Variants in DLC1 observed in about 807,000 individuals in gnomAD.
DLC1 encodes the protein DLC1 Rho GTPase activating protein, also known as rho GTPase-activating protein 7.
DLC1 carries 54 observed loss-of-function variants against 140.3 expected under a neutral mutation model. The observed-to-expected ratio is 0.38, with a 90% CI of 0.31 to 0.48. DLC1 has a LOEUF of 0.48. Among genes scored for constraint, DLC1 ranks in the 20% least tolerant of loss-of-function variants. DLC1 has a pLI of 0.96. For synonymous variants in DLC1, 986 were observed against 728.1 expected (o/e 1.35, Z -5.70); for missense variants, 2,536 against 1,907.0 (o/e 1.33, Z -6.14).
intron 4 of DLC1, among the ~76,000 whole-genome samples, chr8:13,313,900 T>C (rs1402482829): frequency 6.6e-6 from 1 of 152,150 alleles, no homozygotes; most frequent in Non-Finnish European, 1.5e-5. Context: ...TATTACTAGG[T>C]GGGCCTATTC....
chr8:13,119,689 C>T (rs932487526), intron 5 of DLC1, among the ~76,000 whole-genome samples: 1 of 152,154 alleles, frequency 6.6e-6, no homozygotes, highest in Non-Finnish European at 1.5e-5. Context: ...AGGTGGCTCA[C>T]ACCTGTAACC....
At chr8:13,556,409 C>T (rs904462640) in intron 1 of DLC1, among the ~76,000 whole-genome samples, 1 of 152,232 alleles carries the variant, frequency 6.6e-6, no homozygotes. Flanking sequence ...TGATTTAAAA[C>T]TTATTGGGAT....
chr8:13,153,842 A>T (rs1824030935), intron 5 of DLC1, among the ~76,000 whole-genome samples: 1 of 152,090 alleles, frequency 6.6e-6, no homozygotes, highest in African/African-American at 2.4e-5. Context: ...ACAAACCTTG[A>T]GCTAGACACA....
chr8:13,565,410 G>T (rs953073900), intron 1 of DLC1, among the ~76,000 whole-genome samples: 8 of 152,146 alleles, frequency 5.3e-5, no homozygotes, highest in Non-Finnish European at 1.2e-4. Flanking sequence ...ATGAGGCAGA[G>T]ATTTGAAATA....
intron 1 of DLC1, among the ~76,000 whole-genome samples, chr8:13,505,014 A>G (rs1801991214): frequency 6.6e-6 from 1 of 152,224 alleles, no homozygotes; most frequent in Non-Finnish European, 1.5e-5. Context: ...TATATATGAC[A>G]TATTGAGAGG....
At chr8:13,534,851 G>A (rs73210044) in intron 1 of DLC1, among the ~76,000 whole-genome samples, 2,483 of 152,212 alleles carry the variant, frequency 0.016, 27 homozygotes, top group Non-Finnish European at 0.026. Context: ...GAGTCTTTGA[G>A]GAATGGAATG....
chr8:13,186,554 CT>C (rs1354481931), intron 5 of DLC1, among the ~76,000 whole-genome samples: 1 of 152,126 alleles, frequency 6.6e-6, no homozygotes, highest in African/African-American at 2.4e-5. Context: ...TTCGTCTAAT[CT>C]TTTTTCAAGG....
At chr8:13,478,408 A>G (rs1800537020) in intron 2 of DLC1, among the ~76,000 whole-genome samples, 1 of 152,216 alleles carries the variant, frequency 6.6e-6, no homozygotes, top group African/African-American at 2.4e-5. Context: ...ATTTGAGATT[A>G]CAATTCGACA....
intron 5 of DLC1, among the ~76,000 whole-genome samples, chr8:13,206,280 C>T (rs1014549668): frequency 6.6e-6 from 1 of 152,130 alleles, no homozygotes; most frequent in Non-Finnish European, 1.5e-5. Flanking sequence ...AAATACATTC[C>T]TTTGAATGTA....
intron 5 of DLC1, among the ~76,000 whole-genome samples, chr8:13,302,569 T>TGGA (rs1832244444): frequency 6.6e-6 from 1 of 152,176 alleles, no homozygotes; most frequent in Non-Finnish European, 1.5e-5. Context: ...GGATGATTAA[T>TGGA]GGAATGTGCC....
At chr8:13,241,549 A>T (rs2117243297) in intron 5 of DLC1, among the ~76,000 whole-genome samples, 1 of 152,300 alleles carries the variant, frequency 6.6e-6, no homozygotes, top group Non-Finnish European at 1.5e-5. Flanking sequence ...ATATTTCAGT[A>T]AGAGTCTCTG....
At chr8:13,465,555 A>T (rs1234734772) in intron 2 of DLC1, among the ~76,000 whole-genome samples, 1 of 151,708 alleles carries the variant, frequency 6.6e-6, no homozygotes, top group Non-Finnish European at 1.5e-5. Flanking sequence ...TAAAATATCC[A>T]TTTTTTTGCC....
At chr8:13,147,881 G>A (rs989280402) in intron 5 of DLC1, among the ~76,000 whole-genome samples, 3 of 152,094 alleles carry the variant, frequency 2.0e-5, no homozygotes, top group Non-Finnish European at 4.4e-5. Flanking sequence ...CCAGCTACTC[G>A]GGAGACTGAG....
chr8:13,253,848 C>G (rs891948806), intron 5 of DLC1, among the ~76,000 whole-genome samples: 1 of 152,068 alleles, frequency 6.6e-6, no homozygotes, highest in African/African-American at 2.4e-5. Flanking sequence ...GGGAAAAAAA[C>G]TCAAAGGCAG....
At chr8:13,220,097 G>C (rs528476873) in intron 5 of DLC1, among the ~76,000 whole-genome samples, 4 of 152,290 alleles carry the variant, frequency 2.6e-5, no homozygotes, top group Non-Finnish European at 5.9e-5. Context: ...TCTGGAAGTA[G>C]ATAATGGTGA....
intron 2 of DLC1, among the ~76,000 whole-genome samples, chr8:13,491,521 T>C (rs1253767113): frequency 6.6e-6 from 1 of 152,238 alleles, no homozygotes; most frequent in Non-Finnish European, 1.5e-5. Context: ...ATGGATATTC[T>C]AACAGTTTCC....
chr8:13,245,297 G>A (rs1415127714), intron 5 of DLC1, among the ~76,000 whole-genome samples: 1 of 152,156 alleles, frequency 6.6e-6, no homozygotes, highest in Middle Eastern at 3.2e-3. Context: ...CTGGCCTCTA[G>A]CTGTCTTGCA....
intron 1 of DLC1, among the ~76,000 whole-genome samples, chr8:13,550,071 A>C (rs1326158488): frequency 6.6e-6 from 1 of 152,140 alleles, no homozygotes; most frequent in Admixed American, 6.6e-5. Context: ...TCCTTACAAT[A>C]GGCTAGAGAG....
intron 1 of DLC1, among the ~76,000 whole-genome samples, chr8:13,592,164 TA>T (rs779142393): frequency 2.5e-4 from 38 of 152,068 alleles, no homozygotes; most frequent in Non-Finnish European, 4.4e-4. Flanking sequence ...AGAGCAGCTT[TA>T]TTGGGCAAAT....
Sources: gnomAD v4.1 joint callset for allele counts (sites outside exome capture counted in the v4.1 genomes callset) on GRCh38, gnomAD v4.1.1 for gene constraint, MANE v1.5 for transcripts, NCBI Gene and HGNC (gene_info 2026-07-23, HGNC 2026-07-21) for gene names.